LMO7: variants seen among roughly 807,000 people sequenced by gnomAD.
LMO7 encodes LIM domain only protein 7.
LMO7 carries 120 observed loss-of-function variants against 206.5 expected under a neutral mutation model. The observed-to-expected ratio is 0.58, with a 90% CI of 0.50 to 0.68. The LOEUF (loss-of-function observed/expected upper bound fraction) is 0.68, where lower values mean the gene tolerates loss of function less well. LMO7 is among the 30% of genes least tolerant of loss of function. The pLI is 0.00. For missense variants in LMO7, 1,959 were observed against 1,957.9 expected (o/e 1.00, Z -0.01); for synonymous variants, 706 against 681.5 (o/e 1.04, Z -0.56).
At chr13:75,845,596 G>A (rs908221099) in intron 26 of LMO7, among the ~76,000 whole-genome samples, 28 of 152,244 alleles carry the variant, frequency 1.8e-4, no homozygotes, top group African/African-American at 6.5e-4. Context: ...AGATTAAAAT[G>A]GTTTTAAATT....
intron 4 of LMO7, among the ~76,000 whole-genome samples, chr13:75,773,874 A>C (rs1451565416): frequency 1.3e-5 from 2 of 152,186 alleles, no homozygotes; most frequent in African/African-American, 4.8e-5. Flanking sequence ...GTGAAGGTGG[A>C]AAGAGAAGTA....
chr13:75,830,381 T>C (rs1452032913), intron 15 of LMO7, among the ~76,000 whole-genome samples: 1 of 152,188 alleles, frequency 6.6e-6, no homozygotes, highest in Non-Finnish European at 1.5e-5. Context: ...AAAGAGGTGG[T>C]CTGCATAAGA....
intron 4 of LMO7, among the ~76,000 whole-genome samples, chr13:75,786,617 C>A (rs1205497512): frequency 6.6e-6 from 1 of 152,014 alleles, no homozygotes; most frequent in African/African-American, 2.4e-5. Context: ...GATCTCCTGA[C>A]CTCATGATCT....
chr13:75,655,634 ATTT>A (rs1431378331), intron 1 of LMO7, among the ~76,000 whole-genome samples: 1 of 110,186 alleles, frequency 9.1e-6, no homozygotes, highest in Non-Finnish European at 1.8e-5. Flanking sequence ...TTGTTCATGG[ATTT>A]TATATATATA....
At chr13:75,805,816 G>T in intron 9 of LMO7, 56 bp downstream of exon 9, 3 of 1,522,094 alleles carry the variant, frequency 2.0e-6, no homozygotes, top group Non-Finnish European at 2.7e-6. Context: ...CCCCAGCTGG[G>T]GTTCTATGTG....
chr13:75,736,230 G>T (rs181858595), intron 3 of LMO7, among the ~76,000 whole-genome samples: 73 of 152,202 alleles, frequency 4.8e-4, no homozygotes, highest in African/African-American at 1.6e-3. Context: ...AATATTTTTC[G>T]AATACAGGAC....
chr13:75,814,695 G>T (rs1242311617), intron 11 of LMO7, among the ~76,000 whole-genome samples: 1 of 152,124 alleles, frequency 6.6e-6, no homozygotes, highest in South Asian at 2.1e-4. Flanking sequence ...TGTACATGAT[G>T]GTGAGAAATG....
intron 1 of LMO7, among the ~76,000 whole-genome samples, chr13:75,681,508 A>G (rs931226260): frequency 1.3e-5 from 2 of 151,782 alleles, no homozygotes; most frequent in Non-Finnish European, 2.9e-5. Context: ...GCATACAATT[A>G]TGTAACTGTC....
intron 1 of LMO7, among the ~76,000 whole-genome samples, chr13:75,644,652 A>G (rs1983818): frequency 0.21 from 32,266 of 152,150 alleles, 4,247 homozygotes; most frequent in Admixed American, 0.37. Flanking sequence ...TTTTAGAGAC[A>G]GGGTCTTGCT....
chr13:75,654,479 A>G (rs996919606), intron 1 of LMO7, among the ~76,000 whole-genome samples: 1 of 114,190 alleles, frequency 8.8e-6, no homozygotes, highest in Non-Finnish European at 2.1e-5. Context: ...CCAAGACGAT[A>G]GAGCCTCTAG....
intron 4 of LMO7, among the ~76,000 whole-genome samples, chr13:75,781,562 A>G (rs1003096329): frequency 2.0e-5 from 3 of 151,886 alleles, no homozygotes; most frequent in Admixed American, 6.6e-5. Flanking sequence ...AGTCTTTGCT[A>G]TTGTGAATAG....
intron 14 of LMO7, 81 bp from the exon 15 acceptor site, chr13:75,823,484 A>G (rs2057803693): frequency 9.1e-7 from 1 of 1,103,982 alleles, no homozygotes; most frequent in African/African-American, 1.6e-5. Flanking sequence ...TAGTTTTAAA[A>G]TATTAATTTA....
Position 75,700,519 on chromosome 13 carries a change from A to G in LMO7, c.70-12663A>G, listed in dbSNP as rs112070644. Reference sequence around the variant, plus strand: ...TACTGTAGATCTTAGCAACCTCAGCATATGATTGTTTTCCTTATTAAGTCA... The same window carrying G: ...TACTGTAGATCTTAGCAACCTCAGCGTATGATTGTTTTCCTTATTAAGTCA... On this transcript the variant is annotated intron_variant, in intron 1 of 30. Transcript: ENST00000377534. 8.9e-3 allele frequency among the ~76,000 whole-genome samples: 1,355 copies of G among 152,342 alleles called. 24 individuals carry two copies. Among genetic ancestry groups the G allele is most frequent in the East Asian group, 0.056 (289 of 5,186 alleles).
At chr13:75,731,537 T>C (rs1224820692) in intron 3 of LMO7, among the ~76,000 whole-genome samples, 2 of 152,204 alleles carry the variant, frequency 1.3e-5, no homozygotes, top group Admixed American at 6.5e-5. Flanking sequence ...GCATGTGAGA[T>C]GGGTTTCCTG....
chr13:75,825,378 T>A (rs1484154250), intron 15 of LMO7, among the ~76,000 whole-genome samples: 1 of 152,194 alleles, frequency 6.6e-6, no homozygotes, highest in Non-Finnish European at 1.5e-5. Flanking sequence ...TGCTGCACGC[T>A]GGGTGTTGGT....
intron 4 of LMO7, among the ~76,000 whole-genome samples, chr13:75,766,780 T>TATA (rs1379196292): frequency 6.6e-6 from 1 of 152,102 alleles, no homozygotes; most frequent in African/African-American, 2.4e-5. Context: ...ACAGGAAGTA[T>TATA]GTATTATTCC....
chr13:75,817,066 T>G (rs982496147), intron 11 of LMO7, 95 bp from the exon 12 acceptor site: 15 of 792,004 alleles, frequency 1.9e-5, no homozygotes, highest in Middle Eastern at 4.7e-4. Flanking sequence ...AGGTAGAAAT[T>G]TAGGTGGAAT....
intron 10 of LMO7, 96 bp from the exon 11 acceptor site, chr13:75,809,058 C>T: frequency 2.3e-6 from 2 of 885,912 alleles, no homozygotes; most frequent in Non-Finnish European, 3.8e-6. Flanking sequence ...ATTTGTCCGT[C>T]TCCAGTTAGA....
At chr13:75,805,161 C>T (rs4884020) in intron 8 of LMO7, 50,543 of 1,148,544 alleles carry the variant, frequency 0.044, 1,195 homozygotes, top group Non-Finnish European at 0.047. Context: ...GTCAGAAATA[C>T]TTGTCCTGGA....
Sources: allele counts gnomAD v4.1 joint callset (sites outside exome capture counted in the v4.1 genomes callset), GRCh38; gene constraint gnomAD v4.1.1; transcripts MANE v1.5; gene names NCBI Gene and HGNC (gene_info 2026-07-23, HGNC 2026-07-21).